The following CCAR2 variants were observed in gnomAD, a reference collection of about 807,000 sequenced individuals.
The protein encoded by CCAR2 is cell cycle and apoptosis regulator protein 2.
In CCAR2, 21 loss-of-function variants were observed where a neutral mutation model predicts 108.1. That is an observed-to-expected ratio of 0.19 (90% CI 0.14 to 0.28). The LOEUF is 0.28. Among genes scored for constraint, CCAR2 ranks in the 10% least tolerant of loss-of-function variants. The pLI, the probability that CCAR2 is intolerant of heterozygous loss-of-function variation, is 1.00. For synonymous variants in CCAR2, 577 were observed against 472.8 expected, an observed-to-expected ratio of 1.22 and a Z score of -2.86; for missense variants, 1,126 against 1,177.0, an observed-to-expected ratio of 0.96 and a Z score of 0.63.
intron 7 of CCAR2, among the ~76,000 whole-genome samples, chr8:22,611,392 G>GTGTGTGTGTGTGTC: frequency 7.1e-6 from 1 of 141,656 alleles, no homozygotes; most frequent in Non-Finnish European, 1.5e-5. Flanking sequence ...ATATATATGT[G>GTGTGTGTGTGTGTC]TGTGTGTGTG....
intron 16 of CCAR2, chr8:22,618,144 T>C (rs57594397): frequency 0.3 from 192,372 of 641,176 alleles, 30,438 homozygotes; most frequent in South Asian, 0.36. Flanking sequence ...CAGTGGTTAT[T>C]CACAGGCATG....
chr8:22,619,082 C>A, intron 19 of CCAR2, 67 bp downstream of exon 19: 2 of 1,599,546 alleles, frequency 1.3e-6, no homozygotes, highest in South Asian at 2.2e-5. Flanking sequence ...GCTGCTTAGG[C>A]TCAGGCCCTG....
intron 6 of CCAR2, 77 bp from the exon 7 acceptor site, chr8:22,607,892 C>A: frequency 8.6e-7 from 1 of 1,156,774 alleles, no homozygotes; most frequent in Non-Finnish European, 1.3e-6. Flanking sequence ...TCTCAAAGTG[C>A]TGGGATTACA....
Position 22,618,871 on chromosome 8 carries a change from G to A in CCAR2, c.2377G>A (p.Gly793Ser), listed in dbSNP as rs202182590. Reference protein sequence around the residue: ...LPPPGKSTKPGAAPTEHKALV... With the variant: ...LPPPGKSTKPSAAPTEHKALV... ...CCCTCCTGGGAAAAGCACGAAGCCA[G>A]GTGCTGCCCCCACAGAACACAAAGC... is the stretch of plus-strand genomic sequence containing the variant. The change falls in exon 19 of 21, where the codon GGT becomes AGT. Residue 793 changes from glycine (G) to serine (S), a missense_variant. Coordinates refer to ENST00000308511, the MANE Select transcript of CCAR2 (RefSeq NM_001393997.1). The A allele has an allele frequency of 2.4e-5, 39 of 1,613,900 alleles. No homozygotes were observed. The South Asian group carries it at 4.2e-4, about 17-fold the overall frequency.
chr8:22,615,121 T>C, intron 11 of CCAR2, 120 bp downstream of exon 11: 3 of 1,313,302 alleles, frequency 2.3e-6, no homozygotes, highest in Non-Finnish European at 3.0e-6. Flanking sequence ...TCCCGTTCCT[T>C]CCCCCTCTGG....
At chr8:22,607,911 C>G in intron 6 of CCAR2, 58 bp from the exon 7 acceptor site, 1 of 1,387,998 alleles carries the variant, frequency 7.2e-7, no homozygotes, top group East Asian at 2.3e-5. Flanking sequence ...CAGGTGTGAG[C>G]TATTGCACCC....
intron 7 of CCAR2, 92 bp from the exon 8 acceptor site, chr8:22,612,925 G>C (rs946369664): frequency 7.3e-7 from 1 of 1,367,562 alleles, no homozygotes; most frequent in African/African-American, 1.5e-5. Flanking sequence ...GAATGTGAGG[G>C]ATTTCGATTG....
chr8:22,619,466 G>C (rs952426520), intron 20 of CCAR2, 111 bp downstream of exon 20: 58 of 1,434,868 alleles, frequency 4.0e-5, no homozygotes, highest in Non-Finnish European at 5.3e-5. Context: ...GCAGGCACCG[G>C]CTTCGTCTTT....
At chr8:22,606,506 A>G (rs1801085005) in intron 3 of CCAR2, 101 bp from the exon 4 acceptor site, 3 of 888,470 alleles carry the variant, frequency 3.4e-6, no homozygotes, top group African/African-American at 1.6e-5. Context: ...TTGATGCAGT[A>G]CGCTGAGCTG....
intron 8 of CCAR2, among the ~76,000 whole-genome samples, chr8:22,613,520 C>T (rs1472651301): frequency 2.0e-5 from 3 of 152,166 alleles, no homozygotes; most frequent in Non-Finnish European, 2.9e-5. Context: ...AGAAATGGAG[C>T]AGCTGGCTCA....
chr8:22,607,403 T>A, intron 6 of CCAR2, 78 bp downstream of exon 6: 2 of 1,566,606 alleles, frequency 1.3e-6, no homozygotes, highest in Non-Finnish European at 1.7e-6. Context: ...TTGCTGCTCT[T>A]AGCATAGAGG....
At chr8:22,607,132 C>A in intron 5 of CCAR2, 64 bp from the exon 6 acceptor site, 1 of 1,609,142 alleles carries the variant, frequency 6.2e-7, no homozygotes. Context: ...GGGACTGCAT[C>A]TTTCCAAGGT....
intron 7 of CCAR2, among the ~76,000 whole-genome samples, chr8:22,611,472 G>A (rs1297021237): frequency 1.3e-5 from 2 of 150,000 alleles, no homozygotes; most frequent in African/African-American, 2.5e-5. Context: ...ATATATATAT[G>A]TAAAAATATG....
chr8:22,605,899 C>T lies in CCAR2; in HGVS notation c.58+68C>T, dbSNP rs910945472. 12 of 1,521,316 alleles carry T rather than the reference C, an allele frequency of 7.9e-6. No homozygotes were observed. In the African/African-American group the frequency reaches 1.5e-4, roughly 19 times the overall value. The allele number at this position is 1,521,316 out of a possible 1,614,324, so 94.2% of individuals were successfully genotyped here. On this transcript the variant is annotated intron_variant, in intron 2 of 20. Coordinates refer to ENST00000308511, the MANE Select transcript of CCAR2 (RefSeq NM_001393997.1). ...GTGCTCTGGAGTTAGTTTGGGGTTT[C>T]CCTGGTGGAGAGCAATTTGCTGCTG...
intron 20 of CCAR2, 111 bp from the exon 21 acceptor site, chr8:22,619,527 A>C: frequency 1.4e-6 from 2 of 1,416,602 alleles, no homozygotes; most frequent in Non-Finnish European, 1.9e-6. Flanking sequence ...CTGGGAATTG[A>C]GCAGTCAGCA....
rs201916896 is a variant in CCAR2 at position 22,604,786 on chromosome 8, C to A, written c.-95C>A. ...GCGCTTCCGGTGGCGGCGGCAGCAG[C>A]GGCTGTGGTGGTTCCGGGTGTCTTT... On this transcript the variant is annotated 5_prime_UTR_variant, in exon 1 of 21. Coordinates refer to ENST00000308511, the MANE Select transcript of CCAR2 (RefSeq NM_001393997.1). 5 of 455,884 alleles carry A rather than the reference C, an allele frequency of 1.1e-5. No individual in the cohort carries two copies. The highest frequency in any genetic ancestry group is 2.0e-5 in the African/African-American group (1 of 50,070). The allele number at this position is 455,884 out of a possible 1,614,324, so 28.2% of individuals were successfully genotyped here.
At chr8:22,607,412 G>A in intron 6 of CCAR2, 87 bp downstream of exon 6, 1 of 1,504,956 alleles carries the variant, frequency 6.6e-7, no homozygotes, top group Non-Finnish European at 9.0e-7. Flanking sequence ...TTAGCATAGA[G>A]GTGGGTACTT....
intron 7 of CCAR2, among the ~76,000 whole-genome samples, chr8:22,611,447 CATAT>C (rs757120060): frequency 0.041 from 5,934 of 143,144 alleles, 138 homozygotes; most frequent in South Asian, 0.079. Flanking sequence ...TGTGTGTATA[CATAT>C]GTGTGTGTGT....
chr8:22,607,370 GT>G, intron 6 of CCAR2, 45 bp downstream of exon 6: 1 of 1,580,056 alleles, frequency 6.3e-7, no homozygotes, highest in Non-Finnish European at 8.6e-7. Context: ...TTATGGGGTA[GT>G]TTAGATCAAT....
Sources: gnomAD v4.1 joint callset for allele counts (sites outside exome capture counted in the v4.1 genomes callset) on GRCh38, gnomAD v4.1.1 for gene constraint, MANE v1.5 for transcripts, NCBI Gene and HGNC (gene_info 2026-07-23, HGNC 2026-07-21) for gene names.